Variants in GALNT10 observed in about 807,000 individuals in gnomAD.
GALNT10 encodes GalNAc transferase 10.
GALNT10 carries 41 observed loss-of-function variants against 75.0 expected under a neutral mutation model. The observed-to-expected ratio is 0.55, with a 90% CI of 0.43 to 0.71. The LOEUF (loss-of-function observed/expected upper bound fraction) is 0.71, where lower values mean the gene tolerates loss of function less well. GALNT10 is among the 30% of genes least tolerant of loss of function. The pLI is 0.00. For synonymous variants in GALNT10, 302 were observed against 313.0 expected (o/e 0.96, Z 0.37); for missense variants, 727 against 818.5 (o/e 0.89, Z 1.36).
intron 4 of GALNT10, among the ~76,000 whole-genome samples, chr5:154,364,838 A>G (rs1755451854): frequency 6.6e-6 from 1 of 152,132 alleles, no homozygotes; most frequent in Admixed American, 6.5e-5. Flanking sequence ...GCTCTCCTGT[A>G]TAGGCTCCAA....
chr5:154,337,507 A>C, intron 4 of GALNT10: 1 of 734,356 alleles, frequency 1.4e-6, no homozygotes. Context: ...CTGGTACTAG[A>C]ACTGCCATAG....
At chr5:154,283,278 TAAA>T (rs59422213) in intron 1 of GALNT10, among the ~76,000 whole-genome samples, 6 of 79,510 alleles carry the variant, frequency 7.5e-5, no homozygotes, top group Admixed American at 4.9e-4. Context: ...ACCTCGTCTG[TAAA>T]AAAAAAAAAA....
At chr5:154,313,044 C>T (rs994532872) in intron 3 of GALNT10, among the ~76,000 whole-genome samples, 2 of 152,204 alleles carry the variant, frequency 1.3e-5, no homozygotes, top group African/African-American at 2.4e-5. Flanking sequence ...TGCGGTGGCT[C>T]ATGCCTTTAA....
intron 1 of GALNT10, among the ~76,000 whole-genome samples, chr5:154,210,827 T>C (rs1200311794): frequency 4.6e-5 from 7 of 152,238 alleles, no homozygotes; most frequent in African/African-American, 1.7e-4. Context: ...TAGTATTTTA[T>C]CAGTGTGAAG....
chr5:154,197,444 G>C (rs1774963556), intron 1 of GALNT10, among the ~76,000 whole-genome samples: 1 of 152,136 alleles, frequency 6.6e-6, no homozygotes, highest in African/African-American at 2.4e-5. Context: ...GCTGTGGTGG[G>C]TGGGTGTGTA....
At chr5:154,302,642 A>G (rs1754377749) in intron 3 of GALNT10, among the ~76,000 whole-genome samples, 1 of 152,228 alleles carries the variant, frequency 6.6e-6, no homozygotes. Context: ...CAGGATATCC[A>G]GAGATATCCT....
intron 3 of GALNT10, among the ~76,000 whole-genome samples, chr5:154,327,071 G>A (rs1266984417): frequency 6.6e-6 from 1 of 151,888 alleles, no homozygotes; most frequent in African/African-American, 2.4e-5. Flanking sequence ...TCAAAAATTA[G>A]CCAGGCAGAG....
chr5:154,375,094 C>T (rs1222805612), intron 4 of GALNT10, among the ~76,000 whole-genome samples: 2 of 152,144 alleles, frequency 1.3e-5, no homozygotes, highest in African/African-American at 4.8e-5. Flanking sequence ...ATATGATTGT[C>T]AGAAACTGGG....
At chr5:154,220,648 G>A (rs577260470) in intron 1 of GALNT10, among the ~76,000 whole-genome samples, 6 of 152,230 alleles carry the variant, frequency 3.9e-5, no homozygotes, top group African/African-American at 1.4e-4. Flanking sequence ...ATGGAATCCT[G>A]CAAATAAGCA....
At chr5:154,262,336 C>A (rs961682555) in intron 1 of GALNT10, among the ~76,000 whole-genome samples, 5 of 152,180 alleles carry the variant, frequency 3.3e-5, no homozygotes, top group Admixed American at 3.3e-4. Context: ...TGCTTCAAAT[C>A]TTCATTTCTG....
At chr5:154,349,987 G>T (rs1561668552) in intron 4 of GALNT10, among the ~76,000 whole-genome samples, 1 of 152,104 alleles carries the variant, frequency 6.6e-6, no homozygotes, top group African/African-American at 2.4e-5. Flanking sequence ...AGTCACACAA[G>T]CCACATTTCA....
At chr5:154,250,054 A>C (rs1406335375) in intron 1 of GALNT10, among the ~76,000 whole-genome samples, 1 of 152,198 alleles carries the variant, frequency 6.6e-6, no homozygotes, top group Admixed American at 6.5e-5. Context: ...GCAACTGTTC[A>C]ATTTTATTTC....
At chr5:154,267,510 G>A (rs771626755) in intron 1 of GALNT10, among the ~76,000 whole-genome samples, 2 of 152,220 alleles carry the variant, frequency 1.3e-5, no homozygotes, top group Non-Finnish European at 1.5e-5. Context: ...TTAAAAAACA[G>A]TTTAGGTTTT....
intron 8 of GALNT10, among the ~76,000 whole-genome samples, chr5:154,408,401 G>A (rs1003316220): frequency 6.6e-6 from 1 of 152,158 alleles, no homozygotes; most frequent in East Asian, 1.9e-4. Context: ...AAATTGGGGT[G>A]GGGGGACAAC....
intron 4 of GALNT10, chr5:154,349,372 G>C (rs1186540613): frequency 3.3e-5 from 5 of 152,090 alleles, no homozygotes; most frequent in African/African-American, 1.2e-4. Context: ...AAAGTAGTCT[G>C]GGAGTTGTAA....
chr5:154,401,586 A>G (rs538715699), intron 7 of GALNT10, among the ~76,000 whole-genome samples: 100 of 152,266 alleles, frequency 6.6e-4, no homozygotes, highest in Admixed American at 3.1e-3. Flanking sequence ...CTCGAGACCA[A>G]TGTTCTGTTC....
At chr5:154,384,628 A>G (rs1167196230) in intron 6 of GALNT10, among the ~76,000 whole-genome samples, 1 of 152,220 alleles carries the variant, frequency 6.6e-6, no homozygotes, top group Non-Finnish European at 1.5e-5. Context: ...GCTGCATCTC[A>G]GGTCACACAG....
intron 4 of GALNT10, among the ~76,000 whole-genome samples, chr5:154,334,297 C>T (rs990426302): frequency 6.6e-5 from 10 of 152,252 alleles, no homozygotes; most frequent in Non-Finnish European, 1.5e-4. Context: ...CAGAAGCTGA[C>T]ACCAGAATAA....
chr5:154,218,377 A>G (rs1000797900), intron 1 of GALNT10, among the ~76,000 whole-genome samples: 1 of 152,138 alleles, frequency 6.6e-6, no homozygotes, highest in African/African-American at 2.4e-5. Flanking sequence ...GAGCCGTGGA[A>G]TGAATTCCAG....
Sources: gnomAD v4.1 joint callset for allele counts (sites outside exome capture counted in the v4.1 genomes callset) on GRCh38, gnomAD v4.1.1 for gene constraint, MANE v1.5 for transcripts, NCBI Gene and HGNC (gene_info 2026-07-23, HGNC 2026-07-21) for gene names.